CDH13: variants seen among roughly 807,000 people sequenced by gnomAD.
CDH13 encodes cadherin 13, also known as cadherin-13.
CDH13 carries 24 observed loss-of-function variants against 63.8 expected under a neutral mutation model. The ratio of observed to expected loss-of-function variants is 0.38; its 90% CI spans 0.27 to 0.53. The LOEUF (loss-of-function observed/expected upper bound fraction) is 0.53. CDH13 is among the 20% of genes least tolerant of loss of function. The probability of loss-of-function intolerance (pLI) is 0.85; values close to 1 mark genes in which losing one functional copy is unlikely to be tolerated. For missense variants in CDH13, 1,049 were observed against 903.1 expected (o/e 1.16, Z -2.07); for synonymous variants, 503 against 355.3 (o/e 1.42, Z -4.67).
intron 5 of CDH13, among the ~76,000 whole-genome samples, chr16:83,229,373 T>C (rs1025980686): frequency 6.6e-6 from 1 of 152,228 alleles, no homozygotes; most frequent in Admixed American, 6.5e-5. Flanking sequence ...AAAACCTTTA[T>C]TTTTTAATTC....
intron 2 of CDH13, among the ~76,000 whole-genome samples, chr16:83,025,131 C>A (rs1264312304): frequency 1.3e-5 from 2 of 152,208 alleles, no homozygotes; most frequent in African/African-American, 4.8e-5. Context: ...TGATCATTCT[C>A]ATTCATGGAG....
intron 10 of CDH13, among the ~76,000 whole-genome samples, chr16:83,732,398 G>A (rs1213501621): frequency 1.3e-5 from 2 of 152,178 alleles, no homozygotes; most frequent in East Asian, 1.9e-4. Context: ...GCTAGCTTTG[G>A]ACTGGGGAAC....
chr16:83,029,666 A>C (rs111607115), intron 2 of CDH13, among the ~76,000 whole-genome samples: 1 of 152,176 alleles, frequency 6.6e-6, no homozygotes, highest in Non-Finnish European at 1.5e-5. Flanking sequence ...AAATGCAGGT[A>C]AAACCAATCT....
chr16:83,394,423 A>G (rs1415862029), intron 6 of CDH13, among the ~76,000 whole-genome samples: 1 of 152,170 alleles, frequency 6.6e-6, no homozygotes, highest in Non-Finnish European at 1.5e-5. Flanking sequence ...GGCCAGACAG[A>G]GGCAACAGCA....
intron 6 of CDH13, among the ~76,000 whole-genome samples, chr16:83,372,535 C>G (rs554345748): frequency 9.9e-5 from 15 of 151,958 alleles, no homozygotes; most frequent in African/African-American, 3.4e-4. Context: ...AGGTGGACCA[C>G]GAGGTCAAGA....
intron 11 of CDH13, among the ~76,000 whole-genome samples, chr16:83,765,950 T>A (rs1260599295): frequency 6.6e-6 from 1 of 152,144 alleles, no homozygotes; most frequent in African/African-American, 2.4e-5. Flanking sequence ...GTTCAACAGA[T>A]GCACAGCTAC....
intron 2 of CDH13, among the ~76,000 whole-genome samples, chr16:82,875,468 C>T (rs1380155016): frequency 1.3e-5 from 2 of 152,154 alleles, no homozygotes; most frequent in Non-Finnish European, 2.9e-5. Context: ...TCAGAAAGGA[C>T]AGAAACTAGA....
At chr16:82,811,459 T>C (rs1023442064) in intron 1 of CDH13, among the ~76,000 whole-genome samples, 3 of 152,208 alleles carry the variant, frequency 2.0e-5, no homozygotes, top group African/African-American at 7.2e-5. Flanking sequence ...AAATGTGATA[T>C]AATAACTTTT....
intron 6 of CDH13, among the ~76,000 whole-genome samples, chr16:83,393,792 G>C (rs1359115733): frequency 6.6e-6 from 1 of 152,096 alleles, no homozygotes; most frequent in Non-Finnish European, 1.5e-5. Context: ...CCAGGCTTCT[G>C]GCCTCAGGGA....
At chr16:83,695,143 A>G (rs139064237) in intron 10 of CDH13, among the ~76,000 whole-genome samples, 1,882 of 152,198 alleles carry the variant, frequency 0.012, 42 homozygotes, top group African/African-American at 0.043. Flanking sequence ...GGAGGTGGAG[A>G]TTGCAGTGAG....
chr16:82,881,126 G>T (rs1481283245), intron 2 of CDH13, among the ~76,000 whole-genome samples: 1 of 152,070 alleles, frequency 6.6e-6, no homozygotes, highest in Non-Finnish European at 1.5e-5. Flanking sequence ...TAATATGTAT[G>T]GAAAAGGCAT....
intron 2 of CDH13, among the ~76,000 whole-genome samples, chr16:83,021,267 A>C (rs896373707): frequency 2.0e-5 from 3 of 152,206 alleles, no homozygotes; most frequent in African/African-American, 7.2e-5. Flanking sequence ...TATTCATTCA[A>C]CAAACAGGGT....
chr16:83,299,060 C>G (rs2089668760), intron 5 of CDH13, among the ~76,000 whole-genome samples: 1 of 152,096 alleles, frequency 6.6e-6, no homozygotes, highest in Admixed American at 6.5e-5. Flanking sequence ...CAGTATATCT[C>G]CTTTCAGACA....
chr16:83,526,381 A>G (rs1486916907), intron 7 of CDH13, among the ~76,000 whole-genome samples: 1 of 152,136 alleles, frequency 6.6e-6, no homozygotes, highest in Non-Finnish European at 1.5e-5. Context: ...TTCCAGTGGG[A>G]TTGGAGGAGG....
chr16:83,550,485 T>C (rs137888188), intron 7 of CDH13, among the ~76,000 whole-genome samples: 157 of 152,310 alleles, frequency 1.0e-3, no homozygotes, highest in African/African-American at 3.6e-3. Context: ...AGACAATTGA[T>C]TGATAGGAGG....
intron 7 of CDH13, among the ~76,000 whole-genome samples, chr16:83,519,007 G>A (rs533377811): frequency 3.6e-4 from 55 of 152,278 alleles, no homozygotes; most frequent in African/African-American, 1.0e-3. Flanking sequence ...AGTTTGTAAC[G>A]TAGGCACTAG....
At chr16:83,122,969 A>C (rs2035651914) in intron 3 of CDH13, among the ~76,000 whole-genome samples, 1 of 151,478 alleles carries the variant, frequency 6.6e-6, no homozygotes, top group Non-Finnish European at 1.5e-5. Flanking sequence ...CTCTTATTCC[A>C]CTCTGTATGT....
chr16:83,106,976 T>C (rs1431245984), intron 3 of CDH13, among the ~76,000 whole-genome samples: 1 of 152,044 alleles, frequency 6.6e-6, no homozygotes, highest in Non-Finnish European at 1.5e-5. Flanking sequence ...AATGCTAAGC[T>C]AAAACTCTGG....
chr16:82,798,948 C>T (rs2036718856), intron 1 of CDH13, among the ~76,000 whole-genome samples: 1 of 152,094 alleles, frequency 6.6e-6, no homozygotes, highest in Non-Finnish European at 1.5e-5. Context: ...CAGAAAGGTG[C>T]CCAAGGAAGC....
Sources: allele counts gnomAD v4.1 joint callset (sites outside exome capture counted in the v4.1 genomes callset), GRCh38; gene constraint gnomAD v4.1.1; transcripts MANE v1.5; gene names NCBI Gene and HGNC (gene_info 2026-07-23, HGNC 2026-07-21).